STK10: variants seen among roughly 807,000 people sequenced by gnomAD.
STK10 encodes serine/threonine kinase 10.
STK10 carries 78 observed loss-of-function variants against 113.8 expected under a neutral mutation model. That is an observed-to-expected ratio of 0.69 (90% CI 0.57 to 0.83). STK10 has a LOEUF of 0.83. Among genes scored for constraint, STK10 ranks in the 40% least tolerant of loss-of-function variants. STK10 has a pLI of 0.00. For synonymous variants in STK10, 465 were observed against 494.7 expected (o/e 0.94, Z 0.80); for missense variants, 1,109 against 1,280.1 (o/e 0.87, Z 2.04).
intron 2 of STK10, among the ~76,000 whole-genome samples, chr5:172,131,181 C>T (rs1387282623): frequency 1.3e-5 from 2 of 151,960 alleles, no homozygotes; most frequent in Non-Finnish European, 2.9e-5. Context: ...CTACAGGCGC[C>T]CGCCACCACA....
intron 2 of STK10, among the ~76,000 whole-genome samples, chr5:172,141,675 G>A (rs1769975230): frequency 6.6e-6 from 1 of 152,106 alleles, no homozygotes; most frequent in Admixed American, 6.6e-5. Context: ...GGAGGTGCCT[G>A]CTCTACCTGG....
At chr5:172,112,752 TTC>T (rs1412159085) in intron 4 of STK10, among the ~76,000 whole-genome samples, 1 of 148,878 alleles carries the variant, frequency 6.7e-6, no homozygotes, top group Non-Finnish European at 1.5e-5. Flanking sequence ...CACACTTTTA[TTC>T]TTTTTTTTTC....
Position 172,119,023 on chromosome 5 carries a change from G to A in STK10, c.371-1393C>T, listed in dbSNP as rs372153674. Among the ~76,000 whole-genome samples, 36 of 152,190 alleles carry A rather than the reference G, an allele frequency of 2.4e-4. No homozygotes were observed. The East Asian group carries it at 2.7e-3, about 11-fold the overall frequency. ...TGTTGGTGGTGGCACCAGGGTATGC[G>A]GATGCGGAAGGGCCAGAGAGGCCGG... On this transcript the variant is annotated intron_variant, in intron 3 of 18. Coordinates refer to ENST00000176763, the MANE Select transcript of STK10 (RefSeq NM_005990.4).
chr5:172,056,831 G>A (rs1336315999), intron 15 of STK10, among the ~76,000 whole-genome samples: 3 of 150,530 alleles, frequency 2.0e-5, no homozygotes, highest in Non-Finnish European at 4.4e-5. Context: ...CCTAGATGGC[G>A]CCACTGCACT....
intron 9 of STK10, among the ~76,000 whole-genome samples, chr5:172,090,897 T>G (rs116037215): frequency 6.2e-5 from 8 of 129,022 alleles, no homozygotes; most frequent in African/African-American, 2.5e-4. Flanking sequence ...ATCACGCCAC[T>G]GCACTCCAGC....
intron 4 of STK10, among the ~76,000 whole-genome samples, chr5:172,115,376 T>C (rs905591002): frequency 6.6e-6 from 1 of 152,170 alleles, no homozygotes; most frequent in African/African-American, 2.4e-5. Flanking sequence ...GATGGTATCC[T>C]GAGCTTGGTG....
At chr5:172,158,921 G>A (rs776692229) in intron 1 of STK10, among the ~76,000 whole-genome samples, 1 of 152,166 alleles carries the variant, frequency 6.6e-6, no homozygotes, top group Non-Finnish European at 1.5e-5. Context: ...TGGGTAAAGA[G>A]TTTTTGTAGA....
intron 4 of STK10, chr5:172,115,054 T>C (rs1459931414): frequency 6.6e-6 from 1 of 151,732 alleles, no homozygotes; most frequent in Non-Finnish European, 1.5e-5. Context: ...TAGACCGCAA[T>C]TTTTTTTTCT....
chr5:172,157,089 T>C (rs1355769998), intron 1 of STK10, among the ~76,000 whole-genome samples: 1 of 152,090 alleles, frequency 6.6e-6, no homozygotes, highest in Non-Finnish European at 1.5e-5. Context: ...CCCAAGTCAT[T>C]GAACAATAAA....
chr5:172,090,250 T>TC lies in STK10; in HGVS notation c.1666dup (p.Glu556GlyfsTer30). 1 of 1,614,058 alleles carries TC rather than the reference T, an allele frequency of 6.2e-7. No homozygotes were observed. The highest frequency in any genetic ancestry group is 8.5e-7 in the Non-Finnish European group (1 of 1,179,980). On this transcript the variant is annotated frameshift_variant, in exon 10 of 19. Coordinates refer to ENST00000176763, the MANE Select transcript of STK10 (RefSeq NM_005990.4). LOFTEE classifies it high-confidence loss of function. The stretch of plus-strand genomic sequence containing the variant: ...GGCTTGCCTGAGAAATCTCATCTCC[T>TC]CATCCTTCTTCTCATCTTCGCTGAT...
chr5:172,089,146 T>TC (rs1369185118), intron 10 of STK10, among the ~76,000 whole-genome samples: 2 of 152,110 alleles, frequency 1.3e-5, no homozygotes, highest in African/African-American at 4.8e-5. Flanking sequence ...AACTGCAATT[T>TC]CCCCTGGGCT....
intron 2 of STK10, among the ~76,000 whole-genome samples, chr5:172,148,300 C>T (rs974689748): frequency 2.0e-5 from 3 of 152,146 alleles, no homozygotes; most frequent in Non-Finnish European, 2.9e-5. Context: ...GTGTGAGTGA[C>T]AGGGTGGGGG....
chr5:172,071,454 C>T (rs1404580328), intron 12 of STK10, among the ~76,000 whole-genome samples: 1 of 151,348 alleles, frequency 6.6e-6, no homozygotes, highest in Non-Finnish European at 1.5e-5. Context: ...CTCATTCAAG[C>T]ACAGCTATCT....
At chr5:172,178,482 A>T (rs943408638) in intron 1 of STK10, among the ~76,000 whole-genome samples, 2 of 152,078 alleles carry the variant, frequency 1.3e-5, no homozygotes, top group Non-Finnish European at 2.9e-5. Context: ...CTCCTCCCCC[A>T]TGACACACTG....
Position 172,120,783 on chromosome 5 carries a change from A to C in STK10, c.371-3153T>G, listed in dbSNP as rs764236073. Among the ~76,000 whole-genome samples, 2 of 152,204 alleles carry C rather than the reference A, an allele frequency of 1.3e-5. No individual in the cohort carries two copies. Among genetic ancestry groups the C allele is most frequent in the Non-Finnish European group, 2.9e-5 (2 of 68,032 alleles). On this transcript the variant is annotated intron_variant, in intron 3 of 18. Coordinates refer to ENST00000176763, the MANE Select transcript of STK10 (RefSeq NM_005990.4). The surrounding 1 kb of genome is among the most constrained non-coding windows in gnomAD (Gnocchi z 4.0). ...CTGGAATATGTGCCGCAATCTTTTT[A>C]ATGGCAAAAATGTGTCTTGCTCATG...
intron 13 of STK10, chr5:172,061,547 G>A (rs1014617598): frequency 3.7e-5 from 9 of 246,296 alleles, no homozygotes; most frequent in Non-Finnish European, 5.5e-5. Flanking sequence ...TGCCTCCCGC[G>A]TTCAAGTGAT....
At chr5:172,057,326 C>G (rs1046083169) in intron 15 of STK10, 23 bp downstream of exon 15, 3 of 1,576,936 alleles carry the variant, frequency 1.9e-6, no homozygotes, top group Non-Finnish European at 2.6e-6. Flanking sequence ...CAGATCCGAG[C>G]CCCGTGCCAC....
chr5:172,106,401 C>CAGAA (rs1475870342), intron 6 of STK10, among the ~76,000 whole-genome samples: 1 of 53,442 alleles, frequency 1.9e-5, no homozygotes. Flanking sequence ...GACCCTATCT[C>CAGAA]AAAAAAAAAA....
In STK10 at chr5:172,093,890, T is replaced by C. The variant is rs1768786239; in HGVS notation, c.1076A>G (p.Glu359Gly). 9.6e-6 allele frequency: 15 copies of C among 1,554,456 alleles called. No homozygotes were observed. Among genetic ancestry groups the C allele is most frequent in the Non-Finnish European group, 1.3e-5 (15 of 1,147,560 alleles). The part of the protein sequence containing the change: ...PPSLNADKPL[E>G]ESPSTPLAPS... ...TGCCAGCGGGGTGGAAGGTGACTCC[T>C]CGAGAGGCTTGTCAGCATTGAGGCT... Residue 359 changes from glutamate to glycine, a missense_variant, in exon 9 of 19, where the codon GAG becomes GGG. By Grantham distance (98) the Glu-to-Gly change is moderately conservative (BLOSUM62 -2). Around this residue, in one of 5 missense-constraint regions of STK10, gnomAD observed 885 missense variants for 991.1 expected, o/e 0.89. Coordinates refer to ENST00000176763, the MANE Select transcript of STK10 (RefSeq NM_005990.4). The surrounding 1 kb of genome is among the most constrained non-coding windows in gnomAD (Gnocchi z 4.1).
Sources: allele counts gnomAD v4.1 joint callset (sites outside exome capture counted in the v4.1 genomes callset), GRCh38; gene constraint gnomAD v4.1.1; regional missense constraint gnomAD v4.1.1; non-coding constraint Gnocchi (gnomAD v3.1); transcripts MANE v1.5; gene names NCBI Gene and HGNC (gene_info 2026-07-23, HGNC 2026-07-21).